CTXND1: variants seen among roughly 807,000 people sequenced by gnomAD.
CTXND1 encodes cortexin domain-containing 1 protein.
intron 2 of CTXND1, among the ~76,000 whole-genome samples, chr15:80,203,039 G>A (rs952385829): frequency 2.6e-5 from 4 of 152,302 alleles, no homozygotes; most frequent in East Asian, 1.9e-4. Context: ...GGGATGTGAC[G>A]ACCAAATGCA....
rs149334499 is a variant in CTXND1 at position 80,236,707 on chromosome 15, G to A, written c.-218+15300C>T. On this transcript the variant is annotated intron_variant, in intron 1 of 2. Coordinates refer to ENST00000560778, the MANE Select transcript of CTXND1 (RefSeq NM_001352888.2). ...CTGAGACAGGAGAATTACTTGAACT[G>A]GGGAGGGAGAGGTTGCAGTAAGCCG... 5.5e-3 allele frequency among the ~76,000 whole-genome samples: 840 copies of A among 151,714 alleles called. 8 individuals carry two copies. Among genetic ancestry groups the A allele is most frequent in the African/African-American group, 0.019 (798 of 41,326 alleles).
intron 1 of CTXND1, among the ~76,000 whole-genome samples, chr15:80,234,819 T>A (rs1458463250): frequency 6.6e-6 from 1 of 152,156 alleles, no homozygotes; most frequent in Non-Finnish European, 1.5e-5. Flanking sequence ...ATCGCCTGTG[T>A]CAAAATGTCC....
At chr15:80,246,541 G>A (rs1893632293) in intron 1 of CTXND1, among the ~76,000 whole-genome samples, 1 of 152,232 alleles carries the variant, frequency 6.6e-6, no homozygotes, top group Non-Finnish European at 1.5e-5. Context: ...AAGTGCCCTT[G>A]TGTGAAACCC....
At chr15:80,245,861 G>A (rs1451374660) in intron 1 of CTXND1, among the ~76,000 whole-genome samples, 1 of 151,902 alleles carries the variant, frequency 6.6e-6, no homozygotes, top group Non-Finnish European at 1.5e-5. Context: ...CCATGCTACT[G>A]ATGGACAACC....
chr15:80,237,168 T>C (rs1323341832), intron 1 of CTXND1, among the ~76,000 whole-genome samples: 2 of 151,640 alleles, frequency 1.3e-5, no homozygotes, highest in Non-Finnish European at 2.9e-5. Flanking sequence ...ACCTCGTCTC[T>C]ACTAAAAATA....
intron 1 of CTXND1, among the ~76,000 whole-genome samples, chr15:80,227,179 A>C (rs545736100): frequency 6.6e-6 from 1 of 152,330 alleles, no homozygotes; most frequent in South Asian, 2.1e-4. Flanking sequence ...AAATCAAGCA[A>C]ACAACTGGTA....
At chr15:80,223,212 T>G (rs1269882705) in intron 1 of CTXND1, among the ~76,000 whole-genome samples, 1 of 152,190 alleles carries the variant, frequency 6.6e-6, no homozygotes, top group Non-Finnish European at 1.5e-5. Context: ...TGTGCCACCA[T>G]GTCCGGCTAA....
intron 1 of CTXND1, among the ~76,000 whole-genome samples, chr15:80,240,285 G>A (rs1413364864): frequency 1.3e-5 from 2 of 152,072 alleles, no homozygotes; most frequent in African/African-American, 4.8e-5. Flanking sequence ...TATTAAGGGG[G>A]GTCCCAAAAT....
At position 80,249,237 on chromosome 15, in the gene CTXND1, C is replaced by A. The variant is rs145026162; in HGVS notation, c.-218+2770G>T. On this transcript the variant is annotated intron_variant, in intron 1 of 2. Coordinates refer to ENST00000560778, the MANE Select transcript of CTXND1 (RefSeq NM_001352888.2). ...GAAAGTGCTGAGCCACTGTGCCCAG[C>A]CTCAATTCCCTGTCTTTCTGACCCT... Among the ~76,000 whole-genome samples, 13 of 152,290 alleles carry A rather than the reference C, an allele frequency of 8.5e-5. No individual in the cohort carries two copies. In the East Asian group the frequency reaches 2.5e-3, roughly 29 times the overall value.
intron 1 of CTXND1, among the ~76,000 whole-genome samples, chr15:80,207,688 T>C (rs1003529356): frequency 1.3e-4 from 20 of 152,244 alleles, no homozygotes; most frequent in Non-Finnish European, 7.3e-5. Flanking sequence ...CAGAGAGGAT[T>C]CACCATTTTC....
chr15:80,247,680 T>G (rs899392422), intron 1 of CTXND1, among the ~76,000 whole-genome samples: 1 of 152,182 alleles, frequency 6.6e-6, no homozygotes, highest in East Asian at 1.9e-4. Context: ...TAGATTTCAC[T>G]GGGCATGCAT....
At chr15:80,219,857 C>A (rs531367469) in intron 1 of CTXND1, among the ~76,000 whole-genome samples, 1 of 152,110 alleles carries the variant, frequency 6.6e-6, no homozygotes, top group Non-Finnish European at 1.5e-5. Context: ...TTCTCTTTCT[C>A]GTTTGTCTTT....
intron 1 of CTXND1, among the ~76,000 whole-genome samples, chr15:80,249,850 C>G (rs1450710893): frequency 1.3e-5 from 2 of 152,222 alleles, no homozygotes; most frequent in Admixed American, 6.5e-5. Context: ...AATGTTGTCA[C>G]TTTTAATAGC....
chr15:80,203,050 C>T (rs1234623333), intron 2 of CTXND1, among the ~76,000 whole-genome samples: 2 of 152,218 alleles, frequency 1.3e-5, no homozygotes, highest in African/African-American at 4.8e-5. Context: ...ACCAAATGCA[C>T]AGTCCCTGGC....
intron 1 of CTXND1, among the ~76,000 whole-genome samples, chr15:80,227,867 G>A (rs1893389469): frequency 1.3e-5 from 2 of 152,208 alleles, no homozygotes; most frequent in East Asian, 1.9e-4. Flanking sequence ...TGATGGTGAA[G>A]TTTGCTACAT....
chr15:80,217,922 G>C (rs949454895), intron 1 of CTXND1, among the ~76,000 whole-genome samples: 11 of 152,132 alleles, frequency 7.2e-5, no homozygotes, highest in Admixed American at 2.0e-4. Context: ...GTGTGACTTG[G>C]ATCTTTTCTG....
chr15:80,223,919 C>T (rs1024024667), intron 1 of CTXND1, among the ~76,000 whole-genome samples: 1 of 152,086 alleles, frequency 6.6e-6, no homozygotes, highest in Non-Finnish European at 1.5e-5. Context: ...GTCCATGCGT[C>T]CCCCCATTGA....
intron 1 of CTXND1, among the ~76,000 whole-genome samples, chr15:80,239,679 A>G (rs1441426742): frequency 6.6e-6 from 1 of 152,116 alleles, no homozygotes; most frequent in African/African-American, 2.4e-5. Context: ...AACTCTTTAT[A>G]TATATATCCT....
chr15:80,230,769 T>C (rs1893419098), intron 1 of CTXND1, among the ~76,000 whole-genome samples: 1 of 152,178 alleles, frequency 6.6e-6, no homozygotes, highest in African/African-American at 2.4e-5. Flanking sequence ...GTGTGTTGCT[T>C]AATTTGGCTG....
Sources: gnomAD v4.1 joint callset for allele counts (sites outside exome capture counted in the v4.1 genomes callset) on GRCh38, gnomAD v4.1.1 for gene constraint, MANE v1.5 for transcripts, NCBI Gene and HGNC (gene_info 2026-07-23, HGNC 2026-07-21) for gene names.